Variants in EYA2 observed in about 807,000 individuals in gnomAD.
The protein encoded by EYA2 is protein phosphatase EYA2.
Under a neutral mutation model 69.2 loss-of-function variants are expected in EYA2, and 31 were observed. The observed-to-expected ratio is 0.45, with a 90% CI of 0.34 to 0.60. EYA2 has a LOEUF of 0.60. Among genes scored for constraint, EYA2 ranks in the 20% least tolerant of loss-of-function variants. EYA2 has a pLI of 0.02. For synonymous variants in EYA2, 257 were observed against 279.4 expected, an observed-to-expected ratio of 0.92 and a Z score of 0.80; for missense variants, 622 against 701.2, an observed-to-expected ratio of 0.89 and a Z score of 1.28.
At chr20:47,163,725 C>T (rs1045931123) in intron 10 of EYA2, among the ~76,000 whole-genome samples, 2 of 129,044 alleles carry the variant, frequency 1.5e-5, no homozygotes, top group Non-Finnish European at 3.4e-5. Context: ...AAAAAAAAAT[C>T]CACCTCCTTT....
At chr20:47,032,463 A>G (rs1356456725) in intron 5 of EYA2, among the ~76,000 whole-genome samples, 3 of 152,202 alleles carry the variant, frequency 2.0e-5, no homozygotes, top group South Asian at 2.1e-4. Context: ...TTCTCTATGT[A>G]TGCATTTACG....
At chr20:47,169,585 T>C (rs1012274928) in intron 11 of EYA2, among the ~76,000 whole-genome samples, 2 of 152,210 alleles carry the variant, frequency 1.3e-5, no homozygotes, top group African/African-American at 4.8e-5. Flanking sequence ...ACTCTGCTCA[T>C]TTATTGCTAT....
chr20:46,899,146 ACTGAGTGAAAATGAAATCTACGCTTTTG>A (rs1159145614), intron 1 of EYA2, among the ~76,000 whole-genome samples: 34 of 152,348 alleles, frequency 2.2e-4, no homozygotes, highest in African/African-American at 7.7e-4. Flanking sequence ...ACAGGGCCAG[ACTGAGTGAAAATGAAATCTACGCTTTTG>A]CTTCTCTGCA....
At chr20:47,145,092 C>T (rs1315765573) in intron 10 of EYA2, among the ~76,000 whole-genome samples, 2 of 152,106 alleles carry the variant, frequency 1.3e-5, no homozygotes, top group African/African-American at 2.4e-5. Flanking sequence ...TGTGATTGAC[C>T]CTGAATCTCT....
intron 1 of EYA2, among the ~76,000 whole-genome samples, chr20:46,909,825 T>C (rs544725045): frequency 3.9e-5 from 6 of 152,154 alleles, no homozygotes; most frequent in Non-Finnish European, 7.4e-5. Context: ...TCTCCACCCC[T>C]CTCCTCCTGG....
intron 10 of EYA2, among the ~76,000 whole-genome samples, chr20:47,158,252 C>G (rs1280619044): frequency 6.6e-6 from 1 of 151,970 alleles, no homozygotes; most frequent in Non-Finnish European, 1.5e-5. Flanking sequence ...CAGTGGCTCA[C>G]GCCTGTAATT....
chr20:47,087,032 T>C (rs2031916260), intron 7 of EYA2, among the ~76,000 whole-genome samples: 2 of 152,180 alleles, frequency 1.3e-5, no homozygotes, highest in African/African-American at 4.8e-5. Context: ...GAAATTCTTT[T>C]TCCAGAGGAA....
chr20:47,037,283 T>C (rs1984775005), intron 5 of EYA2, among the ~76,000 whole-genome samples: 1 of 152,150 alleles, frequency 6.6e-6, no homozygotes, highest in South Asian at 2.1e-4. Context: ...GAGATTTGGG[T>C]GGGGACACAA....
chr20:47,074,952 A>C (rs1281134041), intron 7 of EYA2, among the ~76,000 whole-genome samples: 1 of 152,140 alleles, frequency 6.6e-6, no homozygotes, highest in Non-Finnish European at 1.5e-5. Context: ...TCTCTACTAA[A>C]AATACAGAAA....
At chr20:46,913,517 C>T (rs1174305653) in intron 1 of EYA2, among the ~76,000 whole-genome samples, 2 of 152,154 alleles carry the variant, frequency 1.3e-5, no homozygotes, top group African/African-American at 2.4e-5. Context: ...CAGAACTCCT[C>T]TGGCTGCCAA....
chr20:47,115,686 C>A (rs1279489167), intron 9 of EYA2, among the ~76,000 whole-genome samples: 1 of 152,194 alleles, frequency 6.6e-6, no homozygotes, highest in Non-Finnish European at 1.5e-5. Context: ...TTCCCCTCTG[C>A]CTCCACCACC....
intron 9 of EYA2, among the ~76,000 whole-genome samples, chr20:47,114,059 T>A (rs563961810): frequency 4.6e-5 from 7 of 152,166 alleles, no homozygotes; most frequent in Non-Finnish European, 8.8e-5. Flanking sequence ...TCAGCTCTTC[T>A]GTCGGGGGAG....
intron 9 of EYA2, among the ~76,000 whole-genome samples, chr20:47,141,248 A>G (rs1476609773): frequency 1.3e-5 from 2 of 151,908 alleles, no homozygotes; most frequent in African/African-American, 4.8e-5. Flanking sequence ...AGCCAGGAAT[A>G]TTATTAACAG....
chr20:47,117,081 C>T (rs2032917316), intron 9 of EYA2, among the ~76,000 whole-genome samples: 2 of 147,916 alleles, frequency 1.4e-5, no homozygotes, highest in African/African-American at 2.5e-5. Flanking sequence ...GGTGCGATCT[C>T]GGCTCACTGC....
At chr20:47,148,749 G>A (rs1439259995) in intron 10 of EYA2, among the ~76,000 whole-genome samples, 1 of 152,232 alleles carries the variant, frequency 6.6e-6, no homozygotes, top group Non-Finnish European at 1.5e-5. Flanking sequence ...AAGGGTGGAT[G>A]TTGGGTTAAA....
chr20:46,899,241 T>C (rs1983971548), intron 1 of EYA2, among the ~76,000 whole-genome samples: 1 of 152,238 alleles, frequency 6.6e-6, no homozygotes, highest in South Asian at 2.1e-4. Flanking sequence ...TCTGCTATCA[T>C]TTCCTTTGGA....
intron 5 of EYA2, among the ~76,000 whole-genome samples, chr20:47,041,255 G>A (rs1453303148): frequency 6.6e-6 from 1 of 152,198 alleles, no homozygotes; most frequent in Non-Finnish European, 1.5e-5. Context: ...CAACCTGCCA[G>A]AAAAGCCTCC....
At chr20:46,904,198 T>C (rs1001353289) in intron 1 of EYA2, among the ~76,000 whole-genome samples, 5 of 151,956 alleles carry the variant, frequency 3.3e-5, no homozygotes, top group African/African-American at 9.7e-5. Flanking sequence ...CCTGGGGTGG[T>C]TGGGAGGCTT....
At chr20:46,957,376 C>T (rs1979192073) in intron 1 of EYA2, among the ~76,000 whole-genome samples, 2 of 152,170 alleles carry the variant, frequency 1.3e-5, no homozygotes, top group Admixed American at 1.3e-4. Flanking sequence ...AGGTTCTTAT[C>T]ACTGGAAACT....
Sources: gnomAD v4.1 joint callset for allele counts (sites outside exome capture counted in the v4.1 genomes callset) on GRCh38, gnomAD v4.1.1 for gene constraint, MANE v1.5 for transcripts, NCBI Gene and HGNC (gene_info 2026-07-23, HGNC 2026-07-21) for gene names.